Variants in ENTPD5 observed in about 807,000 individuals in gnomAD.
ENTPD5 encodes ectonucleoside triphosphate diphosphohydrolase 5 (inactive), also known as nucleoside diphosphate phosphatase ENTPD5.
Under a neutral mutation model 60.2 loss-of-function variants are expected in ENTPD5, and 49 were observed. The ratio of observed to expected loss-of-function variants is 0.81; its 90% CI spans 0.65 to 1.03. ENTPD5 has a LOEUF of 1.03. ENTPD5 is among the 50% of genes least tolerant of loss of function. The pLI, the probability that ENTPD5 is intolerant of heterozygous loss-of-function variation, is 0.00. For synonymous variants in ENTPD5, 187 were observed against 185.4 expected (o/e 1.01, Z -0.07); for missense variants, 480 against 507.6 (o/e 0.95, Z 0.52).
Position 73,977,270 on chromosome 14 carries a change from C to T in ENTPD5, c.517+29G>A, listed in dbSNP as rs573379386. On this transcript the variant is annotated intron_variant, in intron 7 of 15. Transcript: ENST00000334696. ...CTTTCACTGATCCTGCCCCTCTCCC[C>T]CTGGAACGCATATCAACACCTCTCC... is the stretch of plus-strand genomic sequence containing the variant. 248 of 1,565,784 alleles carry T rather than the reference C, an allele frequency of 1.6e-4. 1 individual carries two copies. The South Asian group carries it at 2.7e-3, about 17-fold the overall frequency.
chr14:74,006,284 CTTT>C (rs1224060585), intron 3 of ENTPD5, among the ~76,000 whole-genome samples: 2 of 129,954 alleles, frequency 1.5e-5, no homozygotes, highest in Admixed American at 8.1e-5. Flanking sequence ...CTCGCCAAGC[CTTT>C]TTTTTTTTTT....
At chr14:73,983,691 A>T (rs112486129) in intron 5 of ENTPD5, among the ~76,000 whole-genome samples, 160 of 61,740 alleles carry the variant, frequency 2.6e-3, no homozygotes, top group Middle Eastern at 0.012. Context: ...TATTATTATT[A>T]TTATTTTTTT....
chr14:73,985,141 T>C (rs2057848948), intron 5 of ENTPD5, among the ~76,000 whole-genome samples: 1 of 152,358 alleles, frequency 6.6e-6, no homozygotes, highest in East Asian at 1.9e-4. Context: ...TAGTCTATCA[T>C]TGATGGACAT....
intron 10 of ENTPD5, 42 bp downstream of exon 10, chr14:73,975,894 C>T: frequency 6.9e-7 from 1 of 1,455,724 alleles, no homozygotes. Flanking sequence ...TTAGGAGAAT[C>T]ATACAACATG....
rs187192987 is a variant in ENTPD5 at position 73,981,094 on chromosome 14, G to A, written c.441+1924C>T. On this transcript the variant is annotated intron_variant, in intron 6 of 15. Coordinates refer to ENST00000334696, the MANE Select transcript of ENTPD5 (RefSeq NM_001249.5). ...AGCCTGGGCGACAGAGCAAGTCTCC[G>A]CCTCTCAAAAAATAAATAAATAAAT... Among the ~76,000 whole-genome samples the A allele has an allele frequency of 1.8e-3, 269 of 151,668 alleles. 1 individual carries two copies. The highest frequency in any genetic ancestry group is 3.4e-3 in the Middle Eastern group (1 of 294).
chr14:73,967,160 A>G (rs1041199739), intron 15 of ENTPD5, 146 bp from the exon 16 acceptor site: 97 of 640,786 alleles, frequency 1.5e-4, no homozygotes, highest in Non-Finnish European at 3.3e-5. Flanking sequence ...CAGGCTTCCC[A>G]CTACTCTGTA....
chr14:73,966,891 T>C lies in ENTPD5; in HGVS notation c.*37A>G. On this transcript the variant is annotated 3_prime_UTR_variant, in exon 16 of 16. Coordinates refer to ENST00000334696, the MANE Select transcript of ENTPD5 (RefSeq NM_001249.5). ...GTGCTCTCTCCTCCCCTTAAAAAGG[T>C]GTTGGCAAATGCAGGTCTCCAAGGA... is the stretch of plus-strand genomic sequence containing the variant. 6.7e-7 allele frequency: 1 copy of C among 1,496,208 alleles called. No homozygotes were observed. The highest frequency in any genetic ancestry group is 9.3e-7 in the Non-Finnish European group (1 of 1,073,348). The allele number at this position is 1,496,208 out of a possible 1,614,324, so 92.7% of individuals were successfully genotyped here.
chr14:73,977,125 G>GTTT, intron 7 of ENTPD5, 66 bp from the exon 8 acceptor site: 15 of 1,161,838 alleles, frequency 1.3e-5, no homozygotes, highest in African/African-American at 3.2e-5. Flanking sequence ...CCCCAACCTT[G>GTTT]TTTTTTTTTT....
intron 3 of ENTPD5, among the ~76,000 whole-genome samples, chr14:74,001,897 T>C (rs946993776): frequency 2.0e-5 from 3 of 151,974 alleles, no homozygotes; most frequent in South Asian, 2.1e-4. Context: ...ATTTTTTATA[T>C]GAATTTGAGA....
downstream of ENTPD5, chr14:73,959,944 G>T: frequency 1.8e-6 from 2 of 1,132,282 alleles, no homozygotes; most frequent in Non-Finnish European, 1.1e-6. Context: ...TATAATGCTT[G>T]GTCTAGATTA....
chr14:73,987,429 T>C (rs1308680939), intron 4 of ENTPD5, among the ~76,000 whole-genome samples: 1 of 152,200 alleles, frequency 6.6e-6, no homozygotes, highest in East Asian at 1.9e-4. Context: ...CTTACACCTA[T>C]AATCCCAGTA....
intron 3 of ENTPD5, among the ~76,000 whole-genome samples, chr14:73,988,606 A>T (rs939918704): frequency 6.6e-6 from 1 of 152,182 alleles, no homozygotes; most frequent in Admixed American, 6.6e-5. Flanking sequence ...ATCAAACACT[A>T]TAACTTATTC....
chr14:73,973,927 G>A lies in ENTPD5; in HGVS notation c.836C>T (p.Ala279Val). 1 of 1,614,090 alleles carries A rather than the reference G, an allele frequency of 6.2e-7. No homozygotes were observed. The highest frequency in any genetic ancestry group is 8.5e-7 in the Non-Finnish European group (1 of 1,179,996). The part of the protein sequence containing the change: ...RSACLPRWLE[A>V]EWIFGGVKYQ... ...TTTCACACCCCCAAAGATCCACTCT[G>A]CTTCCAACCATCTCGGTAAACAGGC... Residue 279 changes from alanine (A) to valine (V), a missense_variant, in exon 12 of 16, where the codon GCA becomes GTA. Ala to Val is a moderately conservative substitution (Grantham distance 64). Coordinates refer to ENST00000334696, the MANE Select transcript of ENTPD5 (RefSeq NM_001249.5).
chr14:74,007,168 C>T (rs2058702761), intron 3 of ENTPD5, among the ~76,000 whole-genome samples: 1 of 152,058 alleles, frequency 6.6e-6, no homozygotes, highest in Non-Finnish European at 1.5e-5. Flanking sequence ...AGGAGGATCA[C>T]TTGAGCCTAG....
At chr14:73,983,601 G>A (rs1242083174) in intron 5 of ENTPD5, among the ~76,000 whole-genome samples, 6 of 132,958 alleles carry the variant, frequency 4.5e-5, no homozygotes, top group Admixed American at 8.0e-5. Flanking sequence ...TACAGCCTGC[G>A]CAACAGAGTG....
downstream of ENTPD5, chr14:73,956,069 A>AC: frequency 8.1e-7 from 1 of 1,227,272 alleles, no homozygotes; most frequent in Non-Finnish European, 1.2e-6. Context: ...TCACGCCTGT[A>AC]ATCCCAGCAC....
chr14:74,004,687 C>T (rs1451060550), intron 3 of ENTPD5, among the ~76,000 whole-genome samples: 1 of 132,768 alleles, frequency 7.5e-6, no homozygotes, highest in African/African-American at 2.8e-5. Context: ...GTAGATCCTC[C>T]ATAGGGCTGC....
At chr14:74,001,329 C>T (rs1337511782) in intron 3 of ENTPD5, among the ~76,000 whole-genome samples, 2 of 151,966 alleles carry the variant, frequency 1.3e-5, no homozygotes, top group Non-Finnish European at 2.9e-5. Context: ...GGTGAAATCC[C>T]GTCTCTACTA....
Position 73,972,489 on chromosome 14 carries a change from C to G in ENTPD5, c.1027+395G>C, listed in dbSNP as rs78803351. Among the ~76,000 whole-genome samples, 401 of 152,236 alleles carry G rather than the reference C, an allele frequency of 2.6e-3. 3 individuals are homozygous for G. The highest frequency in any genetic ancestry group is 9.3e-3 in the African/African-American group (387 of 41,548). On this transcript the variant is annotated intron_variant, in intron 13 of 15. Transcript: ENST00000334696. Reference sequence around the variant, plus strand: ...GACAGATCAGGTACATATACTTTCACAGTTAGGCAAAAACACTGCTTTTGT... The same window carrying G: ...GACAGATCAGGTACATATACTTTCAGAGTTAGGCAAAAACACTGCTTTTGT...
Sources: allele counts gnomAD v4.1 joint callset (sites outside exome capture counted in the v4.1 genomes callset), GRCh38; gene constraint gnomAD v4.1.1; transcripts MANE v1.5; gene names NCBI Gene and HGNC (gene_info 2026-07-23, HGNC 2026-07-21).